The following PREX2 variants were observed in gnomAD, a reference collection of about 807,000 sequenced individuals.
The protein encoded by PREX2 is phosphatidylinositol 3,4,5-trisphosphate-dependent Rac exchanger 2 protein.
Under a neutral mutation model 203.2 loss-of-function variants are expected in PREX2, and 107 were observed. The ratio of observed to expected loss-of-function variants is 0.53; its 90% CI spans 0.45 to 0.62. The LOEUF is 0.62. Among genes scored for constraint, PREX2 ranks in the 20% least tolerant of loss-of-function variants. The probability of loss-of-function intolerance (pLI) is 0.00; values close to 1 mark genes in which losing one functional copy is unlikely to be tolerated. For synonymous variants in PREX2, 672 were observed against 663.6 expected, an observed-to-expected ratio of 1.01 and a Z score of -0.19; for missense variants, 1,777 against 1,955.9, an observed-to-expected ratio of 0.91 and a Z score of 1.72.
At chr8:68,216,722 C>T (rs1812845307) in intron 37 of PREX2, among the ~76,000 whole-genome samples, 1 of 151,984 alleles carries the variant, frequency 6.6e-6, no homozygotes, top group Non-Finnish European at 1.5e-5. Flanking sequence ...ACTTGGGAGG[C>T]CAAGACTGGT....
intron 18 of PREX2, 76 bp downstream of exon 18, chr8:68,083,464 AT>A (rs1348396981): frequency 2.6e-6 from 3 of 1,144,158 alleles, no homozygotes; most frequent in Non-Finnish European, 3.8e-6. Flanking sequence ...AACTAAGTAA[AT>A]GCTTAGAATT....
intron 1 of PREX2, among the ~76,000 whole-genome samples, chr8:67,964,042 A>G (rs1346339883): frequency 6.6e-6 from 1 of 152,140 alleles, no homozygotes; most frequent in Non-Finnish European, 1.5e-5. Flanking sequence ...ATTTATGTAG[A>G]TTCTCTAGGT....
At chr8:68,078,082 T>A (rs2129611826) in intron 15 of PREX2, among the ~76,000 whole-genome samples, 1 of 152,254 alleles carries the variant, frequency 6.6e-6, no homozygotes, top group African/African-American at 2.4e-5. Flanking sequence ...GTTCTTAGAT[T>A]TATCAGGGTA....
chr8:68,108,388 CT>C, intron 24 of PREX2, 57 bp downstream of exon 24: 8 of 1,228,910 alleles, frequency 6.5e-6, no homozygotes, highest in Non-Finnish European at 9.4e-6. Flanking sequence ...GCAATCATAG[CT>C]ATTCATGCAT....
Position 68,137,270 on chromosome 8 carries a change from AT to A in PREX2, c.3985-1141del, listed in dbSNP as rs770711955. Among the ~76,000 whole-genome samples, 83 of 151,574 alleles carry A rather than the reference AT, an allele frequency of 5.5e-4. No individual in the cohort carries two copies. In the Middle Eastern group the frequency reaches 0.014, roughly 25 times the overall value. ...CTAACTGTTTAAAAGGATCATTGACATTTTATTTTTTTTAAGAGATGGGGTC... is the reference window on the plus strand; with the variant it reads ...CTAACTGTTTAAAAGGATCATTGACATTTATTTTTTTTAAGAGATGGGGTC... On this transcript the variant is annotated intron_variant, in intron 32 of 39. Coordinates refer to ENST00000288368, the MANE Select transcript of PREX2 (RefSeq NM_024870.4).
At chr8:68,152,196 G>C (rs1451754988) in intron 34 of PREX2, among the ~76,000 whole-genome samples, 1 of 147,752 alleles carries the variant, frequency 6.8e-6, no homozygotes, top group Non-Finnish European at 1.5e-5. Flanking sequence ...GGCTGAGGCA[G>C]GAGAATGGTG....
At chr8:68,023,383 A>G (rs1350722660) in intron 4 of PREX2, among the ~76,000 whole-genome samples, 2 of 152,204 alleles carry the variant, frequency 1.3e-5, no homozygotes, top group South Asian at 2.1e-4. Context: ...GACTAATTAC[A>G]TTAAGCATGC....
chr8:67,984,962 G>A (rs528791429), intron 1 of PREX2, among the ~76,000 whole-genome samples: 4 of 152,054 alleles, frequency 2.6e-5, no homozygotes, highest in South Asian at 2.1e-4. Context: ...CCAGTCGCAC[G>A]GGTCCCTGTT....
rs1370252947 is a variant in PREX2 at position 68,080,739 on chromosome 8, A to G, written c.1786-7A>G. The stretch of plus-strand genomic sequence containing the variant: ...TTTATCAATAATGTTAATATTTTGC[A>G]TTTCAGATTAAATCCAATGAAGGCA... On this transcript the variant is annotated splice_region_variant and splice_polypyrimidine_tract_variant and intron_variant, in intron 16 of 39. Coordinates refer to ENST00000288368, the MANE Select transcript of PREX2 (RefSeq NM_024870.4). 4 of 1,535,588 alleles carry G rather than the reference A, an allele frequency of 2.6e-6. No individual in the cohort carries two copies. The African/African-American group carries it at 4.2e-5, about 16-fold the overall frequency.
At chr8:68,229,840 A>G (rs900922293) in intron 39 of PREX2, among the ~76,000 whole-genome samples, 1 of 152,190 alleles carries the variant, frequency 6.6e-6, no homozygotes, top group African/African-American at 2.4e-5. Context: ...GGAAATTAAG[A>G]AGAAAAAGAG....
intron 14 of PREX2, among the ~76,000 whole-genome samples, chr8:68,073,113 A>C (rs6986819): frequency 0.72 from 108,585 of 151,294 alleles, 39,046 homozygotes; most frequent in East Asian, 0.75. Context: ...ATAAGTAAAA[A>C]AAATTAGGGC....
intron 10 of PREX2, among the ~76,000 whole-genome samples, chr8:68,059,880 C>G (rs187646021): frequency 1.3e-5 from 2 of 152,318 alleles, no homozygotes; most frequent in East Asian, 3.9e-4. Flanking sequence ...ACCAGGTCCT[C>G]TCCATCTTCA....
intron 1 of PREX2, among the ~76,000 whole-genome samples, chr8:68,008,172 CT>C (rs1807154129): frequency 6.6e-6 from 1 of 152,134 alleles, no homozygotes; most frequent in Non-Finnish European, 1.5e-5. Context: ...GTCCCAAAAC[CT>C]GGCATTCTTT....
At chr8:68,095,244 G>C (rs1304626917) in intron 21 of PREX2, among the ~76,000 whole-genome samples, 1 of 151,944 alleles carries the variant, frequency 6.6e-6, no homozygotes, top group African/African-American at 2.4e-5. Context: ...GACTAAACTT[G>C]AACTCTAGCC....
intron 1 of PREX2, among the ~76,000 whole-genome samples, chr8:67,985,608 G>A (rs1368785719): frequency 6.6e-6 from 1 of 151,944 alleles, no homozygotes; most frequent in African/African-American, 2.4e-5. Context: ...ATTTCTTCTG[G>A]GACACCAAGC....
chr8:68,100,678 G>A (rs1445478739), intron 23 of PREX2, among the ~76,000 whole-genome samples: 7 of 152,182 alleles, frequency 4.6e-5, no homozygotes, highest in African/African-American at 7.2e-5. Context: ...GCTTAGGTGG[G>A]GCCAACTGTG....
In PREX2 at chr8:68,207,163, C is replaced by T. The variant is rs539498530; in HGVS notation, c.4605-10453C>T. ...AATATATATATATTTCAAGTATTAC[C>T]ATAATTCAAACAGAGTTGTTAACCA... On this transcript the variant is annotated intron_variant, in intron 37 of 39. Transcript: ENST00000288368. Among the ~76,000 whole-genome samples the T allele has an allele frequency of 5.3e-5, 8 of 151,978 alleles. No homozygotes were observed. The South Asian group carries it at 1.0e-3, about 20-fold the overall frequency.
intron 1 of PREX2, among the ~76,000 whole-genome samples, chr8:68,017,121 C>G (rs1056905576): frequency 1.3e-5 from 2 of 151,996 alleles, no homozygotes; most frequent in Admixed American, 6.6e-5. Context: ...TTATTCTACT[C>G]TTTTTTAATT....
intron 18 of PREX2, among the ~76,000 whole-genome samples, chr8:68,086,584 A>G (rs944472261): frequency 7.2e-5 from 11 of 152,080 alleles, no homozygotes; most frequent in Non-Finnish European, 1.5e-4. Context: ...TCATACTTGT[A>G]TTGTTATGAT....
Sources: allele counts gnomAD v4.1 joint callset (sites outside exome capture counted in the v4.1 genomes callset), GRCh38; gene constraint gnomAD v4.1.1; transcripts MANE v1.5; gene names NCBI Gene and HGNC (gene_info 2026-07-23, HGNC 2026-07-21).